CCDC178: variants seen among roughly 807,000 people sequenced by gnomAD.
CCDC178 encodes the protein coiled-coil domain-containing protein 178.
A neutral mutation model predicts 117.4 loss-of-function variants in CCDC178; 126 were observed. The ratio of observed to expected loss-of-function variants is 1.07; its 90% CI spans 0.93 to 1.24. The LOEUF is 1.24. CCDC178 is among the 50% of genes most tolerant of loss of function. The probability of loss-of-function intolerance (pLI) is 0.00; values close to 1 mark genes in which losing one functional copy is unlikely to be tolerated. For missense variants in CCDC178, 1,030 were observed against 986.9 expected (o/e 1.04, Z -0.59); for synonymous variants, 283 against 313.4 (o/e 0.90, Z 1.02).
chr18:33,248,160 T>C (rs2059572658), intron 14 of CCDC178, among the ~76,000 whole-genome samples: 1 of 151,936 alleles, frequency 6.6e-6, no homozygotes, highest in Non-Finnish European at 1.5e-5. Context: ...TCTTCAAATC[T>C]AAGCAAAAAT....
At chr18:33,340,479 A>C (rs1171021968) in intron 9 of CCDC178, among the ~76,000 whole-genome samples, 1 of 152,186 alleles carries the variant, frequency 6.6e-6, no homozygotes, top group Non-Finnish European at 1.5e-5. Context: ...GCCTAATGTT[A>C]ATCCCCAAGA....
At chr18:33,414,091 G>A (rs1461855265) in intron 2 of CCDC178, among the ~76,000 whole-genome samples, 1 of 152,036 alleles carries the variant, frequency 6.6e-6, no homozygotes, top group Non-Finnish European at 1.5e-5. Context: ...AAAATTACCA[G>A]ATAATATATC....
chr18:33,117,668 A>G (rs2057877268), intron 20 of CCDC178, among the ~76,000 whole-genome samples: 1 of 151,966 alleles, frequency 6.6e-6, no homozygotes, highest in East Asian at 1.9e-4. Context: ...ACATGTATAC[A>G]TATGTAACAA....
At chr18:33,213,098 A>G (rs2059126033) in intron 19 of CCDC178, among the ~76,000 whole-genome samples, 1 of 152,024 alleles carries the variant, frequency 6.6e-6, no homozygotes, top group Non-Finnish European at 1.5e-5. Context: ...AAACCACTCT[A>G]TGAAATAATA....
intron 20 of CCDC178, among the ~76,000 whole-genome samples, chr18:33,175,534 T>G (rs2058655096): frequency 6.6e-6 from 1 of 152,098 alleles, no homozygotes; most frequent in African/African-American, 2.4e-5. Flanking sequence ...AATTCATATA[T>G]CTCTGAAGCA....
chr18:33,015,532 T>C (rs2055968129), intron 21 of CCDC178, among the ~76,000 whole-genome samples: 1 of 151,894 alleles, frequency 6.6e-6, no homozygotes, highest in African/African-American at 2.4e-5. Flanking sequence ...ACCACTGCAC[T>C]CTAGCCTGAG....
rs544816414 is a variant in CCDC178, at chr18:33,418,654, C to A, written c.-22-6544G>T. ...AGAATTTCAGCAAAGTTTCAGGATACAAAATCAATGGATAAAAATCAGTAG... is the reference window on the plus strand; with the variant it reads ...AGAATTTCAGCAAAGTTTCAGGATAAAAAATCAATGGATAAAAATCAGTAG... On this transcript the variant is annotated intron_variant, in intron 2 of 22. Transcript: ENST00000383096. 4.6e-4 allele frequency among the ~76,000 whole-genome samples: 70 copies of A among 151,890 alleles called. 1 individual carries two copies. The highest frequency in any genetic ancestry group is 1.0e-3 in the South Asian group (5 of 4,814).
chr18:33,438,494 G>A (rs974081369), intron 2 of CCDC178, among the ~76,000 whole-genome samples: 3 of 151,242 alleles, frequency 2.0e-5, no homozygotes, highest in African/African-American at 7.3e-5. Context: ...GTTCAACATC[G>A]ATTTTAAAAT....
At chr18:32,950,853 G>A (rs114834592) in intron 22 of CCDC178, among the ~76,000 whole-genome samples, 2,014 of 152,260 alleles carry the variant, frequency 0.013, 44 homozygotes, top group African/African-American at 0.046. Flanking sequence ...TCAACACAGA[G>A]TTTTAGACTT....
intron 20 of CCDC178, among the ~76,000 whole-genome samples, chr18:33,117,079 G>A (rs1359150090): frequency 1.3e-5 from 2 of 151,996 alleles, no homozygotes; most frequent in African/African-American, 4.8e-5. Flanking sequence ...ACTACTAAGG[G>A]GCATGGTTAG....
At chr18:32,965,172 C>G (rs935128862) in intron 22 of CCDC178, among the ~76,000 whole-genome samples, 2 of 151,938 alleles carry the variant, frequency 1.3e-5, no homozygotes, top group African/African-American at 4.8e-5. Flanking sequence ...TCTTTCTCAT[C>G]AATCCCTTCA....
At chr18:32,957,804 G>A (rs1318745990) in intron 22 of CCDC178, 1 of 152,982 alleles carries the variant, frequency 6.5e-6, no homozygotes, top group Non-Finnish European at 1.5e-5. Context: ...AGAGAACCCT[G>A]AGTCACAAGT....
chr18:33,362,313 G>T (rs1051944589), intron 6 of CCDC178, among the ~76,000 whole-genome samples: 2 of 151,584 alleles, frequency 1.3e-5, no homozygotes, highest in African/African-American at 4.8e-5. Context: ...GAAAAATGTT[G>T]CATGACCTTA....
intron 9 of CCDC178, among the ~76,000 whole-genome samples, chr18:33,339,024 T>A (rs1332719311): frequency 6.6e-6 from 1 of 152,114 alleles, no homozygotes; most frequent in African/African-American, 2.4e-5. Flanking sequence ...ATCACAGGGA[T>A]ATTTGAAAAG....
At chr18:32,969,584 T>C (rs1209017027) in intron 22 of CCDC178, among the ~76,000 whole-genome samples, 5 of 152,018 alleles carry the variant, frequency 3.3e-5, no homozygotes, top group Non-Finnish European at 5.9e-5. Context: ...GCCTTTGTCT[T>C]TCAGGTTTAA....
In CCDC178 at chr18:33,297,306, A is replaced by G. The variant is rs1297719942; in HGVS notation, c.1023-3994T>C. Among the ~76,000 whole-genome samples, 5 of 152,196 alleles carry G rather than the reference A, an allele frequency of 3.3e-5. No individual in the cohort carries two copies. The South Asian group carries it at 6.2e-4, about 19-fold the overall frequency. ...AAAGCAAGAACAAACCAAAATTACA[A>G]TAAGTAGAAGGAAAGAAATAAAGAT... On this transcript the variant is annotated intron_variant, in intron 11 of 22. Transcript: ENST00000383096.
chr18:33,438,717 T>C (rs1375132676), intron 2 of CCDC178, among the ~76,000 whole-genome samples: 1 of 152,080 alleles, frequency 6.6e-6, no homozygotes, highest in African/African-American at 2.4e-5. Flanking sequence ...TCTCCCTATA[T>C]CATTACCTCA....
intron 18 of CCDC178, among the ~76,000 whole-genome samples, chr18:33,221,434 G>A (rs2059232764): frequency 6.6e-6 from 1 of 151,988 alleles, no homozygotes; most frequent in Admixed American, 6.6e-5. Context: ...TAAATAGGAA[G>A]GGTGACTTTT....
chr18:32,949,123 T>C (rs1286751051), intron 22 of CCDC178, among the ~76,000 whole-genome samples: 1 of 152,144 alleles, frequency 6.6e-6, no homozygotes, highest in Non-Finnish European at 1.5e-5. Context: ...AACCTTATCT[T>C]TGTTCGTCGG....
Sources: gnomAD v4.1 joint callset for allele counts (sites outside exome capture counted in the v4.1 genomes callset) on GRCh38, gnomAD v4.1.1 for gene constraint, MANE v1.5 for transcripts, NCBI Gene and HGNC (gene_info 2026-07-23, HGNC 2026-07-21) for gene names.